ZNF385B: variants seen among roughly 807,000 people sequenced by gnomAD.
ZNF385B encodes zinc finger protein 533.
Under a neutral mutation model 39.2 loss-of-function variants are expected in ZNF385B, and 23 were observed. The ratio of observed to expected loss-of-function variants is 0.59; its 90% CI spans 0.42 to 0.83. The LOEUF (loss-of-function observed/expected upper bound fraction) is 0.83, where lower values mean the gene tolerates loss of function less well. ZNF385B is among the 40% of genes least tolerant of loss of function. The pLI is 0.00. For synonymous variants in ZNF385B, 205 were observed against 222.6 expected, an observed-to-expected ratio of 0.92 and a Z score of 0.70; for missense variants, 552 against 598.9, an observed-to-expected ratio of 0.92 and a Z score of 0.82.
At chr2:179,700,886 C>T (rs867269984) in intron 3 of ZNF385B, among the ~76,000 whole-genome samples, 14 of 152,202 alleles carry the variant, frequency 9.2e-5, no homozygotes, top group East Asian at 1.9e-4. Flanking sequence ...TGGTGGCACG[C>T]GCTTGTAGTC....
chr2:179,817,665 CTG>C (rs3085981), intron 1 of ZNF385B, among the ~76,000 whole-genome samples: 247 of 149,414 alleles, frequency 1.7e-3, no homozygotes, highest in East Asian at 6.1e-3. Context: ...GTGTAACCCT[CTG>C]TGTGTGTGTG....
chr2:179,763,068 T>C (rs1439821321), intron 3 of ZNF385B, among the ~76,000 whole-genome samples: 3 of 152,030 alleles, frequency 2.0e-5, no homozygotes, highest in African/African-American at 7.3e-5. Flanking sequence ...CCATGCTAGG[T>C]AAATTTTTGT....
chr2:179,516,246 T>C (rs1186321233), intron 5 of ZNF385B, among the ~76,000 whole-genome samples: 2 of 152,162 alleles, frequency 1.3e-5, no homozygotes, highest in African/African-American at 2.4e-5. Flanking sequence ...AAGCAGCACA[T>C]ATGGATTAAT....
intron 3 of ZNF385B, among the ~76,000 whole-genome samples, chr2:179,643,545 A>G (rs1692450878): frequency 6.6e-6 from 1 of 152,200 alleles, no homozygotes; most frequent in Non-Finnish European, 1.5e-5. Context: ...AAAGGAATGA[A>G]CTATTTATAC....
At chr2:179,602,625 C>T (rs1166223317) in intron 3 of ZNF385B, among the ~76,000 whole-genome samples, 1 of 152,130 alleles carries the variant, frequency 6.6e-6, no homozygotes, top group Non-Finnish European at 1.5e-5. Flanking sequence ...ATGTAAATGA[C>T]TAAATGACTC....
At chr2:179,679,660 C>G (rs1318580868) in intron 3 of ZNF385B, among the ~76,000 whole-genome samples, 2 of 151,940 alleles carry the variant, frequency 1.3e-5, no homozygotes, top group Non-Finnish European at 2.9e-5. Context: ...AGAAGAACAG[C>G]AGAATGGTTG....
intron 1 of ZNF385B, among the ~76,000 whole-genome samples, chr2:179,818,134 A>G (rs1257196065): frequency 6.6e-6 from 1 of 152,102 alleles, no homozygotes; most frequent in Non-Finnish European, 1.5e-5. Context: ...GTGTGCATAT[A>G]TCAGCATCTA....
intron 1 of ZNF385B, among the ~76,000 whole-genome samples, chr2:179,785,345 A>G (rs1704929893): frequency 6.6e-6 from 1 of 152,154 alleles, no homozygotes. Context: ...TTCTGGATAT[A>G]AACTATACTT....
rs140525958 is a variant in ZNF385B, at chr2:179,574,334, T to C, written c.299-29365A>G. Among the ~76,000 whole-genome samples, 952 of 152,278 alleles carry C rather than the reference T, an allele frequency of 6.3e-3. 13 individuals are homozygous for C. Among genetic ancestry groups the C allele is most frequent in the African/African-American group, 0.022 (923 of 41,558 alleles). On this transcript the variant is annotated intron_variant, in intron 3 of 9. Transcript: ENST00000410066. ...TGCTCAGAACAATAAATGAACTCAGTACAATTAAATGAACTTTTCTGTTTA... is the reference window on the plus strand; with the variant it reads ...TGCTCAGAACAATAAATGAACTCAGCACAATTAAATGAACTTTTCTGTTTA...
chr2:179,803,310 C>T (rs1344689317), intron 1 of ZNF385B, among the ~76,000 whole-genome samples: 2 of 151,986 alleles, frequency 1.3e-5, no homozygotes, highest in African/African-American at 2.4e-5. Context: ...AGTAATGTTT[C>T]GTTATACTTA....
chr2:179,704,004 T>A (rs528514834), intron 3 of ZNF385B, among the ~76,000 whole-genome samples: 3 of 152,154 alleles, frequency 2.0e-5, no homozygotes, highest in Admixed American at 6.5e-5. Context: ...ATCCCAAAAG[T>A]CACAGGCTAG....
At chr2:179,505,944 A>C (rs2057216380) in intron 5 of ZNF385B, among the ~76,000 whole-genome samples, 1 of 152,292 alleles carries the variant, frequency 6.6e-6, no homozygotes, top group Admixed American at 6.5e-5. Context: ...AGTTTTAAAT[A>C]AATGATTGCT....
At chr2:179,471,708 A>G (rs2052790644) in intron 6 of ZNF385B, among the ~76,000 whole-genome samples, 1 of 152,160 alleles carries the variant, frequency 6.6e-6, no homozygotes, top group Admixed American at 6.5e-5. Context: ...ATAACTAAAA[A>G]CTGACAATTG....
intron 3 of ZNF385B, among the ~76,000 whole-genome samples, chr2:179,734,240 A>C (rs375164172): frequency 1.3e-5 from 2 of 152,204 alleles, no homozygotes; most frequent in South Asian, 2.1e-4. Flanking sequence ...CATGCAAGGA[A>C]ATTTATTATT....
At chr2:179,502,594 T>G (rs1425941887) in intron 5 of ZNF385B, among the ~76,000 whole-genome samples, 1 of 152,136 alleles carries the variant, frequency 6.6e-6, no homozygotes, top group Non-Finnish European at 1.5e-5. Context: ...GCCATGATTG[T>G]AAGTTTCCTG....
At position 179,513,235 on chromosome 2, in the gene ZNF385B, C is replaced by T. The variant is rs146888145; in HGVS notation, c.552+5293G>A. The stretch of plus-strand genomic sequence containing the variant: ...TAATTATAAAATAATAAACTCCCCC[C>T]CAAATAAAAAATGCTCAGTTTCAGA... On this transcript the variant is annotated intron_variant, in intron 5 of 9. Coordinates refer to ENST00000410066, the MANE Select transcript of ZNF385B (RefSeq NM_152520.6). 5.7e-3 allele frequency among the ~76,000 whole-genome samples: 875 copies of T among 152,200 alleles called. 9 individuals are homozygous for T. Among genetic ancestry groups the T allele is most frequent in the African/African-American group, 0.021 (852 of 41,522 alleles).
intron 3 of ZNF385B, among the ~76,000 whole-genome samples, chr2:179,564,684 C>A (rs1405956166): frequency 2.0e-5 from 3 of 152,138 alleles, no homozygotes; most frequent in Non-Finnish European, 4.4e-5. Flanking sequence ...GTTCTGAAGG[C>A]CTCTATCAGT....
At chr2:179,469,307 G>A (rs1021092568) in intron 6 of ZNF385B, among the ~76,000 whole-genome samples, 2 of 152,036 alleles carry the variant, frequency 1.3e-5, no homozygotes, top group African/African-American at 4.8e-5. Context: ...AAATTAAATC[G>A]CAAAAAAATC....
intron 3 of ZNF385B, among the ~76,000 whole-genome samples, chr2:179,750,207 C>T (rs991955311): frequency 1.3e-5 from 2 of 152,058 alleles, no homozygotes; most frequent in African/African-American, 4.8e-5. Flanking sequence ...ATTTGTGCAG[C>T]AGGAGGTGGT....
Sources: gnomAD v4.1 joint callset for allele counts (sites outside exome capture counted in the v4.1 genomes callset) on GRCh38, gnomAD v4.1.1 for gene constraint, MANE v1.5 for transcripts, NCBI Gene and HGNC (gene_info 2026-07-23, HGNC 2026-07-21) for gene names.